ACSBG1: variants seen among roughly 807,000 people sequenced by gnomAD.
ACSBG1 encodes acyl-CoA synthetase bubblegum family member 1.
ACSBG1 carries 39 observed loss-of-function variants against 80.2 expected under a neutral mutation model. The observed-to-expected ratio is 0.49, with a 90% CI of 0.38 to 0.64. ACSBG1 has a LOEUF of 0.64. ACSBG1 is among the 30% of genes least tolerant of loss of function. The pLI, the probability that ACSBG1 is intolerant of heterozygous loss-of-function variation, is 0.00. For synonymous variants in ACSBG1, 392 were observed against 379.5 expected (o/e 1.03, Z -0.38); for missense variants, 828 against 966.4 (o/e 0.86, Z 1.90).
At chr15:78,195,769 G>C (rs2075108287) in intron 2 of ACSBG1, among the ~76,000 whole-genome samples, 1 of 152,206 alleles carries the variant, frequency 6.6e-6, no homozygotes, top group Non-Finnish European at 1.5e-5. Flanking sequence ...GGGCAAGGGT[G>C]GTGGTTCCAT....
intron 1 of ACSBG1, among the ~76,000 whole-genome samples, chr15:78,213,229 A>T (rs1021329675): frequency 2.6e-5 from 4 of 152,178 alleles, no homozygotes; most frequent in Non-Finnish European, 5.9e-5. Context: ...TATAGTCTGC[A>T]ATGGCGATTC....
At chr15:78,218,963 C>G (rs1055535800) in intron 1 of ACSBG1, among the ~76,000 whole-genome samples, 6 of 152,140 alleles carry the variant, frequency 3.9e-5, no homozygotes, top group African/African-American at 1.4e-4. Flanking sequence ...AGGCGCCCAC[C>G]ACCATGCCTG....
intron 5 of ACSBG1, among the ~76,000 whole-genome samples, chr15:78,184,811 C>T (rs375049993): frequency 2.1e-4 from 32 of 152,280 alleles, no homozygotes; most frequent in African/African-American, 4.8e-4. Flanking sequence ...CCCCAGCTGG[C>T]GCCCAGGGCC....
Position 78,234,534 on chromosome 15 carries a change from C to A in ACSBG1, c.-33G>T. The A allele has an allele frequency of 6.2e-7, 1 of 1,602,484 alleles. No homozygotes were observed. Among genetic ancestry groups the A allele is most frequent in the South Asian group, 1.1e-5 (1 of 90,850 alleles). On this transcript the variant is annotated 5_prime_UTR_variant, in exon 1 of 14. Transcript: ENST00000258873. Reference sequence around the variant, plus strand: ...GGGCTTCCACTGAAGACAGCTCAGTCACCCACTGAGAGAGGCTAGCCTTGA... The same window carrying A: ...GGGCTTCCACTGAAGACAGCTCAGTAACCCACTGAGAGAGGCTAGCCTTGA...
rs773035894 is a variant in ACSBG1, at chr15:78,194,551, G to A, written c.408C>T (p.Ser136=). ...RQDKWEHISY[S]QYYLLARRAA... The stretch of plus-strand genomic sequence containing the variant: ...CTCTGCGGGCGAGCAGGTAGTATTG[G>A]GAGTAGGAGATGTGTTCCCACTTGT... The change falls in exon 3 of 14, where the codon TCC becomes TCT. Residue 136 remains serine, a synonymous_variant. Transcript: ENST00000258873. 6.2e-7 allele frequency: 1 copy of A among 1,614,250 alleles called. No homozygotes were observed. Among genetic ancestry groups the A allele is most frequent in the South Asian group, 1.1e-5 (1 of 91,092 alleles).
rs2074907945 is a variant in ACSBG1 at position 78,178,662 on chromosome 15, C to G, written c.1654G>C (p.Gly552Arg). The change falls in exon 11 of 14, where the codon GGC becomes CGC. Residue 552 changes from glycine (G) to arginine (R), a missense_variant. Transcript: ENST00000258873. The surrounding 1 kb of genome is among the most constrained non-coding windows in gnomAD (Gnocchi z 4.3). ...AGGAAGCCATCGGCGTCCAGGCGGCCAGCATCACCCGTGTGCAGCCAGCCT... is the reference window on the plus strand; with the variant it reads ...AGGAAGCCATCGGCGTCCAGGCGGCGAGCATCACCCGTGTGCAGCCAGCCT... ...EEGWLHTGDA[G>R]RLDADGFLYI... 1 of 1,613,898 alleles carries G rather than the reference C, an allele frequency of 6.2e-7. No homozygotes were observed. Among genetic ancestry groups the G allele is most frequent in the Non-Finnish European group, 8.5e-7 (1 of 1,179,998 alleles).
intron 10 of ACSBG1, 172 bp from the exon 11 acceptor site, chr15:78,179,003 G>T: frequency 1.6e-6 from 1 of 634,652 alleles, no homozygotes; most frequent in Non-Finnish European, 2.7e-6. Context: ...GCCAAGTAAA[G>T]GGTTTTAGGG....
chr15:78,221,682 C>T (rs1266074733), intron 1 of ACSBG1, among the ~76,000 whole-genome samples: 1 of 152,138 alleles, frequency 6.6e-6, no homozygotes. Flanking sequence ...CTCAGGCTGT[C>T]TCAGTGGGGG....
At chr15:78,192,946 A>G (rs1392659502) in intron 5 of ACSBG1, among the ~76,000 whole-genome samples, 1 of 152,140 alleles carries the variant, frequency 6.6e-6, no homozygotes, top group Non-Finnish European at 1.5e-5. Flanking sequence ...GCAGGGACAG[A>G]GCCAGTTAGG....
Position 78,208,444 on chromosome 15 carries a change from G to A in ACSBG1, c.132-342C>T, listed in dbSNP as rs144158379. ...CTCAGCACCCCACCTGGATGAGGACGGGGCTAAGGTCCGCACTGGAGGATT... is the reference window on the plus strand; with the variant it reads ...CTCAGCACCCCACCTGGATGAGGACAGGGCTAAGGTCCGCACTGGAGGATT... On this transcript the variant is annotated intron_variant, in intron 1 of 13. Coordinates refer to ENST00000258873, the MANE Select transcript of ACSBG1 (RefSeq NM_015162.5). 2.1e-3 allele frequency among the ~76,000 whole-genome samples: 313 copies of A among 152,286 alleles called. 2 individuals are homozygous for A. The highest frequency in any genetic ancestry group is 7.1e-3 in the African/African-American group (297 of 41,554).
Position 78,168,070 on chromosome 15 carries a change from G to T in ACSBG1, c.*3374C>A, listed in dbSNP as rs1306189561. On this transcript the variant is annotated 3_prime_UTR_variant, in exon 14 of 14. Transcript: ENST00000258873. ...TGGGGTCTGTATGCAGGAAAGAAAG[G>T]ATAAGCTGGTAGAACAGATCAGTTG... 6.6e-6 allele frequency: 1 copy of T among 152,138 alleles called. No homozygotes were observed. The highest frequency in any genetic ancestry group is 1.5e-5 in the Non-Finnish European group (1 of 68,036). The allele number at this position is 152,138 out of a possible 1,614,324, so 9.4% of individuals were successfully genotyped here. A position where few individuals can be genotyped will look rare whatever the true frequency, so the allele number is the denominator to read the frequency against.
intron 1 of ACSBG1, among the ~76,000 whole-genome samples, chr15:78,218,885 C>T (rs1337499241): frequency 6.8e-6 from 1 of 148,096 alleles, no homozygotes; most frequent in Non-Finnish European, 1.5e-5. Context: ...GATCTTGGCT[C>T]ACTGCAACCT....
chr15:78,227,218 C>CA (rs56011241), intron 1 of ACSBG1, among the ~76,000 whole-genome samples: 6,587 of 53,712 alleles, frequency 0.12, 1,183 homozygotes, highest in Middle Eastern at 0.19. Context: ...GACCCTGTCT[C>CA]AAAAAAAAAA....
intron 1 of ACSBG1, among the ~76,000 whole-genome samples, chr15:78,219,002 G>A (rs945855568): frequency 2.0e-5 from 3 of 151,870 alleles, no homozygotes; most frequent in Non-Finnish European, 4.4e-5. Context: ...AGTAGAGATG[G>A]GGTTCCACCA....
intron 2 of ACSBG1, among the ~76,000 whole-genome samples, chr15:78,204,404 G>A (rs1021877859): frequency 3.9e-5 from 6 of 152,216 alleles, no homozygotes; most frequent in African/African-American, 1.2e-4. Context: ...GAGAGAAGCC[G>A]GGTCTGAGCA....
intron 12 of ACSBG1, 54 bp from the exon 13 acceptor site, chr15:78,173,893 C>T (rs2074855149): frequency 3.8e-6 from 6 of 1,577,874 alleles, no homozygotes; most frequent in Non-Finnish European, 5.2e-6. Flanking sequence ...AGACGTAAGC[C>T]CTGGTCCTGG....
intron 5 of ACSBG1, among the ~76,000 whole-genome samples, chr15:78,191,381 G>A (rs2075055637): frequency 6.6e-6 from 1 of 152,134 alleles, no homozygotes; most frequent in African/African-American, 2.4e-5. Flanking sequence ...AGATACAGAA[G>A]ACAACATTAA....
intron 5 of ACSBG1, 59 bp from the exon 6 acceptor site, chr15:78,182,844 G>T: frequency 6.3e-7 from 1 of 1,582,028 alleles, no homozygotes; most frequent in Non-Finnish European, 8.6e-7. Context: ...CTTCTAAAAA[G>T]TACCCCATCT....
At chr15:78,180,713 C>G in intron 9 of ACSBG1, 42 bp downstream of exon 9, 1 of 1,595,226 alleles carries the variant, frequency 6.3e-7, no homozygotes, top group Non-Finnish European at 8.5e-7. Flanking sequence ...TATGACCCAG[C>G]CCACTCTCTC....
Sources: allele counts gnomAD v4.1 joint callset (sites outside exome capture counted in the v4.1 genomes callset), GRCh38; gene constraint gnomAD v4.1.1; non-coding constraint Gnocchi (gnomAD v3.1); transcripts MANE v1.5; gene names NCBI Gene and HGNC (gene_info 2026-07-23, HGNC 2026-07-21).